Variants in CLPB observed in about 807,000 individuals in gnomAD.
CLPB encodes mitochondrial disaggregase.
A neutral mutation model predicts 78.4 loss-of-function variants in CLPB; 40 were observed. That is an observed-to-expected ratio of 0.51 (90% CI 0.40 to 0.66). The LOEUF (loss-of-function observed/expected upper bound fraction) is 0.66. CLPB is among the 30% of genes least tolerant of loss of function. The probability of loss-of-function intolerance (pLI) is 0.00; values close to 1 mark genes in which losing one functional copy is unlikely to be tolerated. For synonymous variants in CLPB, 333 were observed against 348.0 expected (o/e 0.96, Z 0.48); for missense variants, 780 against 886.9 (o/e 0.88, Z 1.53).
At chr11:72,357,439 A>G (rs1044327144) in intron 5 of CLPB, among the ~76,000 whole-genome samples, 4 of 152,140 alleles carry the variant, frequency 2.6e-5, no homozygotes, top group Admixed American at 1.3e-4. Context: ...TGCCGGGCGC[A>G]GTGGCCCAGC....
At chr11:72,417,932 C>T (rs1043375856) in intron 2 of CLPB, among the ~76,000 whole-genome samples, 5 of 152,198 alleles carry the variant, frequency 3.3e-5, no homozygotes, top group Non-Finnish European at 2.9e-5. Flanking sequence ...CATCCTGCCC[C>T]AGTACACTGT....
chr11:72,430,460 A>C (rs1270539871), intron 1 of CLPB, 97 bp from the exon 2 acceptor site: 1 of 1,034,360 alleles, frequency 9.7e-7, no homozygotes, highest in Non-Finnish European at 1.4e-6. Context: ...GTACTTTAGA[A>C]ACGTGGACTT....
chr11:72,401,826 G>A (rs1855572605), intron 3 of CLPB, among the ~76,000 whole-genome samples: 1 of 152,182 alleles, frequency 6.6e-6, no homozygotes, highest in South Asian at 2.1e-4. Flanking sequence ...CATAGCTAGA[G>A]CAAATGTGTA....
intron 1 of CLPB, among the ~76,000 whole-genome samples, chr11:72,433,331 GGGTGGATCAGGA>G (rs1169449221): frequency 2.0e-5 from 3 of 152,056 alleles, no homozygotes; most frequent in African/African-American, 7.2e-5. Context: ...AGGCCAAGGC[GGGTGGATCAGGA>G]GGTCAAGAGA....
chr11:72,332,480 C>T (rs1356088748), intron 5 of CLPB, among the ~76,000 whole-genome samples: 3 of 151,358 alleles, frequency 2.0e-5, no homozygotes, highest in Non-Finnish European at 4.4e-5. Flanking sequence ...CAGAGCAAGG[C>T]CTTGTCTAAA....
intron 4 of CLPB, 111 bp downstream of exon 4, chr11:72,380,170 G>C: frequency 1.2e-6 from 1 of 800,818 alleles, no homozygotes; most frequent in East Asian, 2.6e-5. Flanking sequence ...CAGAGGTAAA[G>C]AACATGCAGG....
chr11:72,315,187 A>G (rs1222235502), intron 7 of CLPB, among the ~76,000 whole-genome samples: 1 of 152,152 alleles, frequency 6.6e-6, no homozygotes, highest in Non-Finnish European at 1.5e-5. Context: ...TCTATTTAAG[A>G]GACCAGTGAA....
In CLPB at chr11:72,286,184, A is replaced by C. The variant is rs532509470; in HGVS notation, c.*7183T>G. On this transcript the variant is annotated 3_prime_UTR_variant, in exon 16 of 16. Transcript: ENST00000538039. Reference sequence around the variant, plus strand: ...AGCAGTCCACCTGCCTTGACCCCTCAGTGTTCTGTTGAGATTACAGGTGTG... The same window carrying C: ...AGCAGTCCACCTGCCTTGACCCCTCCGTGTTCTGTTGAGATTACAGGTGTG... 7.2e-6 allele frequency: 1 copy of C among 138,416 alleles called. No individual in the cohort carries two copies. Among genetic ancestry groups the C allele is most frequent in the Non-Finnish European group, 1.5e-5 (1 of 65,596 alleles). 8.6% of individuals were successfully genotyped at this position (138,416 alleles called of 1,614,324 possible). A position where few individuals can be genotyped will look rare whatever the true frequency, so the allele number is the denominator to read the frequency against.
chr11:72,338,324 C>A (rs769052298), intron 5 of CLPB, among the ~76,000 whole-genome samples: 58 of 152,060 alleles, frequency 3.8e-4, no homozygotes, highest in Non-Finnish European at 7.4e-4. Flanking sequence ...CTACACTGAG[C>A]ACTAAACAAA....
intron 3 of CLPB, among the ~76,000 whole-genome samples, chr11:72,398,650 C>T (rs1855477443): frequency 6.6e-6 from 1 of 152,192 alleles, no homozygotes; most frequent in Non-Finnish European, 1.5e-5. Context: ...CATTCTGGGA[C>T]CCTGTGGCTT....
At chr11:72,296,093 A>T (rs944615370) in intron 11 of CLPB, among the ~76,000 whole-genome samples, 2 of 152,218 alleles carry the variant, frequency 1.3e-5, no homozygotes, top group Non-Finnish European at 2.9e-5. Context: ...AGCACTGACC[A>T]TCCAATATGT....
intron 5 of CLPB, among the ~76,000 whole-genome samples, chr11:72,332,137 T>C (rs1950238063): frequency 6.6e-6 from 1 of 151,050 alleles, no homozygotes; most frequent in Admixed American, 6.6e-5. Flanking sequence ...GATAAATATA[T>C]TTTTTTTTAT....
At chr11:72,333,230 G>T (rs57888210) in intron 5 of CLPB, among the ~76,000 whole-genome samples, 3,304 of 152,232 alleles carry the variant, frequency 0.022, 111 homozygotes, top group African/African-American at 0.076. Flanking sequence ...GCCTTCAGTT[G>T]GCCTTTGCTT....
intron 5 of CLPB, among the ~76,000 whole-genome samples, chr11:72,355,975 A>G (rs1021789007): frequency 1.3e-5 from 2 of 152,174 alleles, no homozygotes; most frequent in African/African-American, 4.8e-5. Context: ...GCTGGTGGCA[A>G]GTACAGCCTA....
chr11:72,392,284 G>A (rs1855277663), intron 3 of CLPB, among the ~76,000 whole-genome samples: 1 of 152,082 alleles, frequency 6.6e-6, no homozygotes. Context: ...TCTCAACCCA[G>A]TGCACACCTC....
intron 9 of CLPB, among the ~76,000 whole-genome samples, chr11:72,303,381 A>T (rs1264118596): frequency 1.3e-5 from 2 of 152,192 alleles, no homozygotes; most frequent in Non-Finnish European, 2.9e-5. Context: ...TCACGCCATG[A>T]TGTACTTTTA....
In CLPB at chr11:72,312,397, G is replaced by A. The variant is rs750241443; in HGVS notation, c.989-3793C>T. On this transcript the variant is annotated intron_variant, in intron 7 of 15. Coordinates refer to ENST00000538039, the MANE Select transcript of CLPB (RefSeq NM_001258392.3). This position sits in a 1 kb window ranked among gnomAD's most constrained non-coding sequence, Gnocchi z 4.2. Reference sequence around the variant, plus strand: ...ACACAGGATACCGAGGCTCAGAGACGGGCAGTGTAAGGTGTTTCATCTACC... The same window carrying A: ...ACACAGGATACCGAGGCTCAGAGACAGGCAGTGTAAGGTGTTTCATCTACC... 2.4e-4 allele frequency among the ~76,000 whole-genome samples: 37 copies of A among 152,112 alleles called. No individual in the cohort carries two copies. Among genetic ancestry groups the A allele is most frequent in the Non-Finnish European group, 4.6e-4 (31 of 68,024 alleles).
At chr11:72,418,089 T>C (rs1467628569) in intron 2 of CLPB, among the ~76,000 whole-genome samples, 1 of 152,216 alleles carries the variant, frequency 6.6e-6, no homozygotes, top group East Asian at 1.9e-4. Context: ...TCCACATGAA[T>C]GGAGGATCCT....
chr11:72,347,246 A>G (rs1950533120), intron 5 of CLPB, among the ~76,000 whole-genome samples: 1 of 152,252 alleles, frequency 6.6e-6, no homozygotes. Context: ...TGTGGTCTTA[A>G]AAGTATCTCC....
Sources: gnomAD v4.1 joint callset for allele counts (sites outside exome capture counted in the v4.1 genomes callset) on GRCh38, gnomAD v4.1.1 for gene constraint, Gnocchi (gnomAD v3.1) non-coding constraint, MANE v1.5 for transcripts, NCBI Gene and HGNC (gene_info 2026-07-23, HGNC 2026-07-21) for gene names.